The following ERC1 variants were observed in gnomAD, a reference collection of about 807,000 sequenced individuals.
ERC1 encodes the protein ELKS/RAB6-interacting/CAST family member 1.
Under a neutral mutation model 132.0 loss-of-function variants are expected in ERC1, and 56 were observed. The observed-to-expected ratio is 0.42, with a 90% CI of 0.34 to 0.53. The LOEUF (loss-of-function observed/expected upper bound fraction) is 0.53, where lower values mean the gene tolerates loss of function less well. Among genes scored for constraint, ERC1 ranks in the 20% least tolerant of loss-of-function variants. The pLI is 0.03. For missense variants in ERC1, 1,202 were observed against 1,349.9 expected (o/e 0.89, Z 1.72); for synonymous variants, 478 against 476.1 (o/e 1.00, Z -0.05).
At chr12:1,405,885 T>C (rs1428118192) in intron 16 of ERC1, among the ~76,000 whole-genome samples, 3 of 152,112 alleles carry the variant, frequency 2.0e-5, no homozygotes, top group African/African-American at 7.2e-5. Flanking sequence ...ACCCCATTTC[T>C]AAAGTTTCTA....
chr12:1,283,801 G>C lies in ERC1; in HGVS notation c.2620-6051G>C, dbSNP rs527920428. ...TTTTAACAATATGTAATAGTTGTAC[G>C]TATTTATGGGGTACATGTGATATTT... is the stretch of plus-strand genomic sequence containing the variant. On this transcript the variant is annotated intron_variant, in intron 14 of 18. Coordinates refer to ENST00000360905, the MANE Select transcript of ERC1 (RefSeq NM_178040.4). Among the ~76,000 whole-genome samples, 19 of 152,248 alleles carry C rather than the reference G, an allele frequency of 1.2e-4. No individual in the cohort carries two copies. The South Asian group carries it at 3.3e-3, about 27-fold the overall frequency.
chr12:1,161,930 A>G (rs879439756), intron 8 of ERC1, among the ~76,000 whole-genome samples: 5 of 152,196 alleles, frequency 3.3e-5, no homozygotes, highest in Non-Finnish European at 7.3e-5. Context: ...CAGTACTGAG[A>G]AACTATGTTA....
At chr12:1,148,650 G>A (rs770462039) in intron 8 of ERC1, among the ~76,000 whole-genome samples, 1 of 151,980 alleles carries the variant, frequency 6.6e-6, no homozygotes, top group Non-Finnish European at 1.5e-5. Context: ...TACCCAGGCC[G>A]GAGTGCAGTG....
chr12:1,001,178 A>G (rs954655004), intron 1 of ERC1, among the ~76,000 whole-genome samples: 3 of 152,228 alleles, frequency 2.0e-5, no homozygotes, highest in African/African-American at 7.2e-5. Context: ...CTGGGATTAC[A>G]GGCGTGAGCC....
chr12:1,371,219 C>A (rs957631249), intron 15 of ERC1, among the ~76,000 whole-genome samples: 3 of 150,266 alleles, frequency 2.0e-5, no homozygotes, highest in Admixed American at 6.6e-5. Flanking sequence ...TGCCTTGCAA[C>A]CACCATTCTA....
intron 14 of ERC1, among the ~76,000 whole-genome samples, chr12:1,286,284 A>G (rs2079035833): frequency 7.7e-6 from 1 of 130,346 alleles, no homozygotes; most frequent in African/African-American, 2.9e-5. Context: ...ACAGGGCAAG[A>G]CTCCATCTCA....
chr12:1,055,488 A>T (rs1445518516), intron 2 of ERC1, among the ~76,000 whole-genome samples: 2 of 152,144 alleles, frequency 1.3e-5, no homozygotes, highest in Non-Finnish European at 2.9e-5. Flanking sequence ...CCTGTTAAGG[A>T]TTTCTTTAAA....
chr12:1,447,030 A>G (rs2093320742), intron 18 of ERC1, among the ~76,000 whole-genome samples: 1 of 128,056 alleles, frequency 7.8e-6, no homozygotes, highest in South Asian at 2.3e-4. Flanking sequence ...CTCTAAAACG[A>G]AAAAAAAAAA....
chr12:1,378,327 T>C (rs2088191262), intron 16 of ERC1, among the ~76,000 whole-genome samples: 1 of 152,240 alleles, frequency 6.6e-6, no homozygotes, highest in Non-Finnish European at 1.5e-5. Flanking sequence ...GTCAGACTGA[T>C]TGTCGGCTCT....
intron 1 of ERC1, among the ~76,000 whole-genome samples, chr12:1,018,947 C>T (rs1275576315): frequency 6.6e-6 from 1 of 152,096 alleles, no homozygotes; most frequent in Non-Finnish European, 1.5e-5. Context: ...AGTAGTTAGC[C>T]AGTTGATGGG....
At chr12:1,219,635 C>CTCTTTTTTTT (rs1555312681) in intron 12 of ERC1, among the ~76,000 whole-genome samples, 4 of 140,744 alleles carry the variant, frequency 2.8e-5, no homozygotes, top group African/African-American at 1.1e-4. Flanking sequence ...ACTGAACTCT[C>CTCTTTTTTTT]TTTTTTTTTT....
intron 2 of ERC1, among the ~76,000 whole-genome samples, chr12:1,042,684 A>ATGCAAATGC (rs1970453624): frequency 6.6e-6 from 1 of 151,670 alleles, no homozygotes; most frequent in Non-Finnish European, 1.5e-5. Context: ...CATTGTATTT[A>ATGCAAATGC]TGTGATAAAC....
chr12:1,109,213 A>T (rs1018956678), intron 4 of ERC1, among the ~76,000 whole-genome samples: 22 of 152,258 alleles, frequency 1.4e-4, no homozygotes, highest in African/African-American at 5.3e-4. Context: ...AAGAGATCGA[A>T]TATGAAATAA....
chr12:1,403,195 T>A (rs2091217501), intron 16 of ERC1, among the ~76,000 whole-genome samples: 1 of 152,214 alleles, frequency 6.6e-6, no homozygotes, highest in South Asian at 2.1e-4. Context: ...GTTTCTTCCT[T>A]CTTCCCTTCT....
At chr12:1,302,227 T>C (rs1394844939) in intron 15 of ERC1, among the ~76,000 whole-genome samples, 1 of 152,168 alleles carries the variant, frequency 6.6e-6, no homozygotes, top group Non-Finnish European at 1.5e-5. Flanking sequence ...ACTCACTACC[T>C]GAACAAAATA....
intron 18 of ERC1, among the ~76,000 whole-genome samples, chr12:1,471,371 T>G (rs1592257084): frequency 6.6e-6 from 1 of 152,232 alleles, no homozygotes; most frequent in Admixed American, 6.5e-5. Flanking sequence ...GGAAGAATGC[T>G]TTAGGCAGGA....
At chr12:1,384,349 G>A (rs749528719) in intron 16 of ERC1, among the ~76,000 whole-genome samples, 2 of 152,162 alleles carry the variant, frequency 1.3e-5, no homozygotes, top group Admixed American at 6.5e-5. Context: ...CAGAGGAGAG[G>A]GTAAAATGAT....
chr12:1,319,801 G>T (rs1164108467), intron 15 of ERC1, among the ~76,000 whole-genome samples: 2 of 152,032 alleles, frequency 1.3e-5, no homozygotes, highest in Non-Finnish European at 2.9e-5. Flanking sequence ...AATGTGCTTG[G>T]CATATTTAAA....
intron 1 of ERC1, among the ~76,000 whole-genome samples, chr12:994,114 A>G (rs1362106986): frequency 4.7e-5 from 7 of 150,158 alleles, no homozygotes; most frequent in Admixed American, 6.6e-5. Context: ...TTTCATAGCA[A>G]CAGCTGCTCG....
Sources: allele counts gnomAD v4.1 joint callset (sites outside exome capture counted in the v4.1 genomes callset), GRCh38; gene constraint gnomAD v4.1.1; transcripts MANE v1.5; gene names NCBI Gene and HGNC (gene_info 2026-07-23, HGNC 2026-07-21).